The following CALN1 variants were observed in gnomAD, a reference collection of about 807,000 sequenced individuals.
The protein encoded by CALN1 is calcium-binding protein 8.
In CALN1, 17 loss-of-function variants were observed where a neutral mutation model predicts 30.6. That is an observed-to-expected ratio of 0.56 (90% CI 0.38 to 0.83). CALN1 has a LOEUF of 0.83. Among genes scored for constraint, CALN1 ranks in the 40% least tolerant of loss-of-function variants. The pLI is 0.00. For synonymous variants in CALN1, 156 were observed against 131.4 expected, an observed-to-expected ratio of 1.19 and a Z score of -1.28; for missense variants, 291 against 354.9, an observed-to-expected ratio of 0.82 and a Z score of 1.45.
intron 5 of CALN1, among the ~76,000 whole-genome samples, chr7:71,890,183 C>A (rs1793160450): frequency 4.6e-5 from 7 of 152,172 alleles, no homozygotes; most frequent in Admixed American, 2.6e-4. Flanking sequence ...TAGCTCTCTG[C>A]AGCCTCAAAC....
At chr7:72,403,153 A>G in intron 2 of CALN1, 98 bp downstream of exon 2, 1 of 817,268 alleles carries the variant, frequency 1.2e-6, no homozygotes, top group Admixed American at 2.6e-5. Flanking sequence ...TCCAGCCTAG[A>G]CACGCAGCAG....
chr7:72,104,861 G>A (rs1806966182), intron 4 of CALN1, among the ~76,000 whole-genome samples: 1 of 152,122 alleles, frequency 6.6e-6, no homozygotes. Context: ...GAAAGGCTAA[G>A]GCAAGAGAAT....
At chr7:72,288,379 A>C (rs1394150176) in intron 2 of CALN1, among the ~76,000 whole-genome samples, 1 of 152,160 alleles carries the variant, frequency 6.6e-6, no homozygotes, top group Admixed American at 6.5e-5. Flanking sequence ...GATCAAAGAC[A>C]TGGGGGTAGG....
chr7:72,455,456 C>T, the CALN1 span, among the ~76,000 whole-genome samples: 1 of 151,842 alleles, frequency 6.6e-6, no homozygotes, highest in Non-Finnish European at 1.5e-5. Flanking sequence ...TATCTCCACT[C>T]ATTCACAAAT....
At chr7:72,458,251 ATT>A in the CALN1 span, among the ~76,000 whole-genome samples, 4 of 92,304 alleles carry the variant, frequency 4.3e-5, no homozygotes, top group African/African-American at 9.2e-5. Context: ...TATATAATAT[ATT>A]TTATAATATA....
Position 71,810,383 on chromosome 7 carries a change from T to C in CALN1, c.611A>G (p.Glu204Gly). The C allele has an allele frequency of 6.2e-7, 1 of 1,614,174 alleles. No homozygotes were observed. Among genetic ancestry groups the C allele is most frequent in the Admixed American group, 1.7e-5 (1 of 60,018 alleles). ...GTTCCCCGAGGTCTCATTCAGGCTC[T>C]CTTCCTCATTGATAATGATGTTCTC... is the stretch of plus-strand genomic sequence containing the variant. ...DIENIIINEE[E>G]SLNETSGNCQ... The change falls in exon 6 of 7, where the codon GAG becomes GGG. Residue 204 changes from glutamate (E) to glycine (G), a missense_variant. By Grantham distance (98) the Glu-to-Gly change is moderately conservative. Around this residue, in one of 2 missense-constraint regions of CALN1, gnomAD observed 169 missense variants for 251.7 expected, o/e 0.67. Coordinates refer to ENST00000395275, the MANE Select transcript of CALN1 (RefSeq NM_031468.4).
At chr7:72,295,161 A>C (rs1463042202) in intron 2 of CALN1, among the ~76,000 whole-genome samples, 4 of 152,212 alleles carry the variant, frequency 2.6e-5, no homozygotes, top group Non-Finnish European at 5.9e-5. Flanking sequence ...TATGGAAATA[A>C]AATTTTTTTA....
chr7:72,381,663 A>C (rs915554160), intron 2 of CALN1, among the ~76,000 whole-genome samples: 1 of 152,170 alleles, frequency 6.6e-6, no homozygotes, highest in Admixed American at 6.5e-5. Context: ...GAACGTATGG[A>C]AACAGGGAGA....
chr7:72,454,004 A>ATATATATATTC, the CALN1 span, among the ~76,000 whole-genome samples: 1 of 151,650 alleles, frequency 6.6e-6, no homozygotes, highest in Non-Finnish European at 1.5e-5. Context: ...ATATATATAT[A>ATATATATATTC]TATATATATT....
chr7:71,983,240 G>C (rs1188413737), intron 5 of CALN1, among the ~76,000 whole-genome samples: 1 of 152,096 alleles, frequency 6.6e-6, no homozygotes, highest in Non-Finnish European at 1.5e-5. Context: ...CTCACTTCTT[G>C]TGTGTGTCTG....
chr7:72,102,215 C>G (rs576531091), intron 4 of CALN1, among the ~76,000 whole-genome samples: 34 of 152,100 alleles, frequency 2.2e-4, no homozygotes, highest in Non-Finnish European at 4.1e-4. Context: ...GAGGCTGAGG[C>G]AGGCGGATCA....
chr7:72,409,325 T>TA (rs1806944289), intron 1 of CALN1, among the ~76,000 whole-genome samples: 1 of 151,910 alleles, frequency 6.6e-6, no homozygotes, highest in Admixed American at 6.5e-5. Flanking sequence ...TCTGTGCTTG[T>TA]AACCCATGCA....
intron 3 of CALN1, among the ~76,000 whole-genome samples, chr7:72,198,968 G>GTC (rs150196498): frequency 0.024 from 3,610 of 152,270 alleles, 142 homozygotes; most frequent in African/African-American, 0.081. Flanking sequence ...TGAAGAATGA[G>GTC]TAGAGGTTTA....
intron 2 of CALN1, among the ~76,000 whole-genome samples, chr7:72,348,446 G>C (rs1585554786): frequency 6.6e-6 from 1 of 152,328 alleles, no homozygotes; most frequent in East Asian, 1.9e-4. Flanking sequence ...TTGTGGGGCA[G>C]AGAACTGGAG....
intron 2 of CALN1, among the ~76,000 whole-genome samples, chr7:72,343,931 A>C (rs1016403263): frequency 2.6e-5 from 4 of 152,204 alleles, no homozygotes; most frequent in Admixed American, 6.5e-5. Context: ...AGACATATTT[A>C]AGGGGATGCC....
chr7:72,340,096 T>TG (rs1274769714), intron 2 of CALN1, among the ~76,000 whole-genome samples: 4 of 152,216 alleles, frequency 2.6e-5, no homozygotes, highest in African/African-American at 7.2e-5. Context: ...ACTCTAACTG[T>TG]GGTTCTTGTT....
At chr7:72,399,340 G>C (rs1027855880) in intron 2 of CALN1, among the ~76,000 whole-genome samples, 2 of 135,682 alleles carry the variant, frequency 1.5e-5, no homozygotes, top group Non-Finnish European at 1.5e-5. Context: ...GCGCGATCTT[G>C]GCTCACTGCA....
At chr7:72,400,632 G>T (rs527528357) in intron 2 of CALN1, among the ~76,000 whole-genome samples, 1 of 152,286 alleles carries the variant, frequency 6.6e-6, no homozygotes, top group East Asian at 1.9e-4. Context: ...CACTTTGGGA[G>T]GCCAAGGCAG....
upstream of CALN1, among the ~76,000 whole-genome samples, chr7:72,413,205 A>G (rs1318109893): frequency 6.6e-6 from 1 of 151,738 alleles, no homozygotes; most frequent in African/African-American, 2.4e-5. Flanking sequence ...ACCCACTCAC[A>G]CACACACACT....
Sources: allele counts gnomAD v4.1 joint callset (sites outside exome capture counted in the v4.1 genomes callset), GRCh38; gene constraint gnomAD v4.1.1; regional missense constraint gnomAD v4.1.1; transcripts MANE v1.5; gene names NCBI Gene and HGNC (gene_info 2026-07-23, HGNC 2026-07-21).